SPAG9: variants seen among roughly 807,000 people sequenced by gnomAD.
The protein encoded by SPAG9 is sperm associated antigen 9, also known as C-Jun-amino-terminal kinase-interacting protein 4.
SPAG9 carries 35 observed loss-of-function variants against 166.5 expected under a neutral mutation model. The ratio of observed to expected loss-of-function variants is 0.21; its 90% CI spans 0.16 to 0.28. The LOEUF (loss-of-function observed/expected upper bound fraction) is 0.28, where lower values mean the gene tolerates loss of function less well. Ranked by LOEUF, SPAG9 falls within the 10% of genes least tolerant of loss-of-function variation. The pLI is 1.00. For synonymous variants in SPAG9, 534 were observed against 565.5 expected, an observed-to-expected ratio of 0.94 and a Z score of 0.79; for missense variants, 1,235 against 1,603.3, an observed-to-expected ratio of 0.77 and a Z score of 3.92.
rs1029546899 is a variant in SPAG9, at chr17:50,965,724, A to G, written c.*548T>C. ...GAAAACAAAGTTTTATATACCATAT[A>G]AACAAGATTTGTCAGATTTGAAAGT... On this transcript the variant is annotated 3_prime_UTR_variant, in exon 30 of 30. Transcript: ENST00000262013. The G allele has an allele frequency of 3.9e-5, 6 of 153,006 alleles. No individual in the cohort carries two copies. Among genetic ancestry groups the G allele is most frequent in the African/African-American group, 1.2e-4 (5 of 41,466 alleles). 9.5% of individuals were successfully genotyped at this position (153,006 alleles called of 1,614,324 possible).
chr17:51,035,836 G>A (rs2046564410), intron 5 of SPAG9, among the ~76,000 whole-genome samples: 1 of 152,156 alleles, frequency 6.6e-6, no homozygotes. Context: ...AACAACCAAG[G>A]ATGCTCTTCA....
At chr17:51,022,819 G>A (rs900170937) in intron 6 of SPAG9, among the ~76,000 whole-genome samples, 3 of 151,074 alleles carry the variant, frequency 2.0e-5, no homozygotes, top group Non-Finnish European at 4.4e-5. Flanking sequence ...GCATGGTGGC[G>A]CATGCCTGCA....
intron 15 of SPAG9, among the ~76,000 whole-genome samples, chr17:50,997,310 GA>G (rs2044725426): frequency 6.6e-6 from 1 of 152,160 alleles, no homozygotes; most frequent in Admixed American, 6.5e-5. Context: ...TATGAAAGGG[GA>G]AAATTCTTAA....
chr17:51,095,244 C>T lies in SPAG9; in HGVS notation c.304-15540G>A, dbSNP rs565899631. ...CCAGGAGATGGAGCTTGCAATGAGC[C>T]GAGAACTCGCCACTGCACTCCAGCC... On this transcript the variant is annotated intron_variant, in intron 1 of 29. Transcript: ENST00000262013. Among the ~76,000 whole-genome samples, 14 of 146,112 alleles carry T rather than the reference C, an allele frequency of 9.6e-5. No individual in the cohort carries two copies. In the East Asian group the frequency reaches 2.4e-3, roughly 25 times the overall value.
At chr17:50,977,270 GT>G in intron 26 of SPAG9, 49 bp from the exon 27 acceptor site, 1 of 1,137,308 alleles carries the variant, frequency 8.8e-7, no homozygotes, top group Non-Finnish European at 1.3e-6. Context: ...AGCAGACAGT[GT>G]TTTACATTCC....
At chr17:51,050,782 A>G (rs2047157830) in intron 3 of SPAG9, among the ~76,000 whole-genome samples, 1 of 151,722 alleles carries the variant, frequency 6.6e-6, no homozygotes, top group African/African-American at 2.4e-5. Flanking sequence ...AAGAGAAGTG[A>G]GAAAGTAAAA....
chr17:51,077,013 G>GCTAGCTATCTATCTAGCTAT (rs2048001639), intron 2 of SPAG9, among the ~76,000 whole-genome samples: 4 of 62,864 alleles, frequency 6.4e-5, no homozygotes, highest in Admixed American at 5.0e-4. Context: ...TAGCTAGCTA[G>GCTAGCTATCTATCTAGCTAT]CTAGCTATCT....
At chr17:50,984,802 G>A (rs1184035434) in intron 24 of SPAG9, 121 bp downstream of exon 24, 5 of 781,382 alleles carry the variant, frequency 6.4e-6, no homozygotes, top group Non-Finnish European at 8.9e-6. Context: ...CTGATGTTGT[G>A]TATTGTTAGT....
At chr17:51,107,820 T>A (rs1598195994) in intron 1 of SPAG9, among the ~76,000 whole-genome samples, 2 of 145,294 alleles carry the variant, frequency 1.4e-5, no homozygotes, top group Admixed American at 1.4e-4. Flanking sequence ...GAGGCTAAGG[T>A]AGGGGGATAG....
intron 12 of SPAG9, 47 bp downstream of exon 12, chr17:51,005,165 C>A (rs939338980): frequency 7.7e-6 from 12 of 1,549,220 alleles, no homozygotes; most frequent in African/African-American, 1.4e-5. Flanking sequence ...TCCCGAAACA[C>A]CAAAACATGG....
rs1165190133 is a variant in SPAG9, at chr17:50,964,748, T to C, written c.*1524A>G. 2.2e-6 allele frequency: 1 copy of C among 453,648 alleles called. No individual in the cohort carries two copies. Among genetic ancestry groups the C allele is most frequent in the Non-Finnish European group, 4.4e-6 (1 of 225,630 alleles). The allele number at this position is 453,648 out of a possible 1,614,324, so 28.1% of individuals were successfully genotyped here. On this transcript the variant is annotated 3_prime_UTR_variant, in exon 30 of 30. Coordinates refer to ENST00000262013, the MANE Select transcript of SPAG9 (RefSeq NM_001130528.3). ...TCAGTGAAATCCAGACTTTAATCTA[T>C]TTTTTGCTTGTTTGTCTGTTTTGAG...
chr17:50,993,723 G>C, intron 19 of SPAG9, 41 bp downstream of exon 19: 1 of 1,597,758 alleles, frequency 6.3e-7, no homozygotes, highest in Admixed American at 1.7e-5. Context: ...GCAGGTAGGT[G>C]GATGGAGGGG....
At chr17:51,040,415 A>G (rs1434988409) in intron 5 of SPAG9, 1 of 152,192 alleles carries the variant, frequency 6.6e-6, no homozygotes, top group African/African-American at 2.4e-5. Context: ...TCAAATATTT[A>G]TCAACTGCTT....
At chr17:50,978,546 C>T (rs1401767522) in intron 26 of SPAG9, among the ~76,000 whole-genome samples, 1 of 152,102 alleles carries the variant, frequency 6.6e-6, no homozygotes, top group East Asian at 1.9e-4. Context: ...GGCTTAGGGT[C>T]TGTAGGGGAG....
intron 21 of SPAG9, among the ~76,000 whole-genome samples, chr17:50,987,985 G>A (rs1248017655): frequency 6.6e-6 from 1 of 152,322 alleles, no homozygotes; most frequent in East Asian, 1.9e-4. Flanking sequence ...GGAGGGTGAG[G>A]TGGGTGGATT....
At chr17:50,990,301 T>C in intron 20 of SPAG9, 149 bp downstream of exon 20, 1 of 666,014 alleles carries the variant, frequency 1.5e-6, no homozygotes, top group Non-Finnish European at 2.6e-6. Flanking sequence ...GTGCTGGGAT[T>C]ACAGGCGTGA....
chr17:51,057,404 G>A (rs530212606), intron 2 of SPAG9, among the ~76,000 whole-genome samples: 5 of 152,302 alleles, frequency 3.3e-5, no homozygotes, highest in African/African-American at 1.2e-4. Context: ...TGTTCCCTGG[G>A]TTTAAGGGTC....
At chr17:51,015,992 A>T (rs1227773832) in intron 8 of SPAG9, among the ~76,000 whole-genome samples, 1 of 150,152 alleles carries the variant, frequency 6.7e-6, no homozygotes, top group East Asian at 1.9e-4. Context: ...ATTAATTTTT[A>T]AAAAATCAAG....
chr17:51,042,017 T>C (rs1230975903), intron 4 of SPAG9, among the ~76,000 whole-genome samples: 1 of 152,196 alleles, frequency 6.6e-6, no homozygotes, highest in African/African-American at 2.4e-5. Context: ...ACCTCCTTCT[T>C]TGGAAGTGAA....
Sources: gnomAD v4.1 joint callset for allele counts (sites outside exome capture counted in the v4.1 genomes callset) on GRCh38, gnomAD v4.1.1 for gene constraint, MANE v1.5 for transcripts, NCBI Gene and HGNC (gene_info 2026-07-23, HGNC 2026-07-21) for gene names.